Variants in SNX6 observed in about 807,000 individuals in gnomAD.
SNX6 encodes sorting nexin 6.
A neutral mutation model predicts 63.0 loss-of-function variants in SNX6; 34 were observed. The ratio of observed to expected loss-of-function variants is 0.54; its 90% CI spans 0.41 to 0.72. The LOEUF (loss-of-function observed/expected upper bound fraction) is 0.72. Ranked by LOEUF, SNX6 falls within the 30% of genes least tolerant of loss-of-function variation. The pLI is 0.00. For missense variants in SNX6, 398 were observed against 471.4 expected (o/e 0.84, Z 1.44); for synonymous variants, 170 against 164.2 (o/e 1.04, Z -0.27).
chr14:34,603,047 G>T (rs1197511230), intron 6 of SNX6, among the ~76,000 whole-genome samples: 2 of 151,620 alleles, frequency 1.3e-5, no homozygotes, highest in Non-Finnish European at 2.9e-5. Context: ...GGAGGCCGAG[G>T]TGGGTGGATC....
intron 5 of SNX6, among the ~76,000 whole-genome samples, 190 bp from the exon 6 acceptor site, chr14:34,603,661 T>A (rs1308023233): frequency 6.6e-6 from 1 of 152,140 alleles, no homozygotes; most frequent in Non-Finnish European, 1.5e-5. Flanking sequence ...TTGAAAAAGG[T>A]TTCATGCCAG....
intron 2 of SNX6, among the ~76,000 whole-genome samples, chr14:34,620,812 A>G (rs1157232136): frequency 6.6e-6 from 1 of 152,016 alleles, no homozygotes; most frequent in Non-Finnish European, 1.5e-5. Context: ...GTGGTGGTGC[A>G]TGCCTGTAAT....
At chr14:34,566,828 G>A (rs113340503) in intron 13 of SNX6, among the ~76,000 whole-genome samples, 1,624 of 152,172 alleles carry the variant, frequency 0.011, 33 homozygotes, top group African/African-American at 0.037. Context: ...CCAGCTACTC[G>A]GGAGGCTGAG....
At chr14:34,609,816 AAAAAC>A in intron 2 of SNX6, 74 bp from the exon 3 acceptor site, 1 of 1,006,860 alleles carries the variant, frequency 9.9e-7, no homozygotes. Flanking sequence ...AAGACAATGC[AAAAAC>A]AAAACAAAAA....
intron 8 of SNX6, among the ~76,000 whole-genome samples, chr14:34,589,314 G>C (rs1275285554): frequency 1.3e-5 from 2 of 151,804 alleles, no homozygotes; most frequent in African/African-American, 4.8e-5. Flanking sequence ...AATTAGCCAG[G>C]CTTGGTGGTA....
chr14:34,616,954 C>G (rs561802220), intron 2 of SNX6, among the ~76,000 whole-genome samples: 5 of 151,862 alleles, frequency 3.3e-5, no homozygotes, highest in Admixed American at 1.3e-4. Flanking sequence ...GTGGTGTGGG[C>G]GCCTGTAATC....
intron 11 of SNX6, among the ~76,000 whole-genome samples, chr14:34,574,354 A>G (rs1443310351): frequency 1.3e-5 from 2 of 150,252 alleles, no homozygotes; most frequent in Non-Finnish European, 3.0e-5. Context: ...AAAAAAGAGA[A>G]AAAAAGAAAT....
chr14:34,629,941 T>C lies in SNX6; in HGVS notation c.20A>G (p.Asp7Gly). ...CTCTTCTGAGAGGAAGTCCGGGCCG[T>C]CGTCCAGGCCTTCCTGTGGGGTCGG... MMEGLD[D>G]GPDFLSEEDR... The change falls in exon 2 of 14, where the codon GAC (aspartate) becomes GGC (glycine). Residue 7 changes from aspartate to glycine, a missense_variant. Asp to Gly is a moderately conservative substitution (Grantham distance 94). Coordinates refer to ENST00000362031, the MANE Select transcript of SNX6 (RefSeq NM_152233.4). The C allele has an allele frequency of 6.4e-7, 1 of 1,550,720 alleles. No individual in the cohort carries two copies. Among genetic ancestry groups the C allele is most frequent in the South Asian group, 1.2e-5 (1 of 83,140 alleles).
intron 6 of SNX6, among the ~76,000 whole-genome samples, chr14:34,600,443 CTTTT>C (rs879769668): frequency 7.2e-6 from 1 of 138,756 alleles, no homozygotes; most frequent in East Asian, 2.0e-4. Context: ...TCTTCTTCTT[CTTTT>C]TTTTTTTTTT....
Position 34,605,633 on chromosome 14 carries a change from T to C in SNX6, c.355A>G (p.Lys119Glu). 6.2e-7 allele frequency: 1 copy of C among 1,604,446 alleles called. No homozygotes were observed. Among genetic ancestry groups the C allele is most frequent in the Non-Finnish European group, 8.5e-7 (1 of 1,176,722 alleles). Residue 119 changes from lysine to glutamate, a missense_variant, in exon 5 of 14, where the codon AAG (lysine) becomes GAG (glutamate). Physicochemically the swap from Lys to Glu is moderately conservative, Grantham distance 56. Coordinates refer to ENST00000362031, the MANE Select transcript of SNX6 (RefSeq NM_152233.4). ...KLGEGEGSMT[K>E]EEFTKMKQEL... is the part of the protein sequence containing the mutation. ...TGTTTCATCTTTGTGAATTCTTCCT[T>C]CGTCATTGACCCTTCTCCTTCACCA...
intron 2 of SNX6, among the ~76,000 whole-genome samples, chr14:34,612,923 C>T (rs1421060981): frequency 6.6e-6 from 1 of 151,712 alleles, no homozygotes; most frequent in African/African-American, 2.4e-5. Context: ...GTGGTGCATG[C>T]CTATAATCCC....
chr14:34,611,180 A>G (rs555410097), intron 2 of SNX6, among the ~76,000 whole-genome samples: 31 of 152,038 alleles, frequency 2.0e-4, no homozygotes, highest in Non-Finnish European at 4.3e-4. Flanking sequence ...TTTGGTAGAG[A>G]AGGGGTTTTG....
intron 7 of SNX6, 75 bp downstream of exon 7, chr14:34,597,475 C>A: frequency 1.1e-6 from 1 of 892,438 alleles, no homozygotes; most frequent in Non-Finnish European, 1.8e-6. Context: ...TAATTCTGCA[C>A]ATTTGAAATC....
rs202152885 is a variant in SNX6 at position 34,610,978 on chromosome 14, C to CGT, written c.55-1238_55-1237dup. On this transcript the variant is annotated intron_variant, in intron 2 of 13. Transcript: ENST00000362031. ...TACTCAATGATTTCAAATATATATA[C>CGT]GTGTGTGTGTGTGTATATATATATA... Among the ~76,000 whole-genome samples the CGT allele has an allele frequency of 7.0e-3, 1,057 of 151,274 alleles. 11 individuals are homozygous for CGT. Among genetic ancestry groups the CGT allele is most frequent in the African/African-American group, 0.023 (963 of 41,290 alleles).
chr14:34,586,537 A>C (rs1299639200), intron 8 of SNX6, among the ~76,000 whole-genome samples: 1 of 151,764 alleles, frequency 6.6e-6, no homozygotes, highest in East Asian at 1.9e-4. Context: ...GTGAAATCCC[A>C]TCTCTATCAA....
chr14:34,625,650 A>T (rs1369905601), intron 2 of SNX6, among the ~76,000 whole-genome samples: 1 of 151,880 alleles, frequency 6.6e-6, no homozygotes, highest in East Asian at 1.9e-4. Context: ...CAGGAGAATC[A>T]CCTTAACCCG....
At chr14:34,629,567 C>G in intron 2 of SNX6, 1 of 583,576 alleles carries the variant, frequency 1.7e-6, no homozygotes. Context: ...GTTTTCATGG[C>G]CCCAAAGTGT....
intron 11 of SNX6, chr14:34,568,634 GT>G (rs376954552): frequency 0.18 from 105,000 of 594,838 alleles, 55 homozygotes; most frequent in South Asian, 0.22. Flanking sequence ...CACTCAGCCT[GT>G]TTTTTTTTTT....
chr14:34,564,946 A>C (rs1881103148), intron 13 of SNX6, among the ~76,000 whole-genome samples: 1 of 152,136 alleles, frequency 6.6e-6, no homozygotes, highest in East Asian at 1.9e-4. Context: ...CTGTTTCAAC[A>C]ACTCCATTAT....
Sources: gnomAD v4.1 joint callset for allele counts (sites outside exome capture counted in the v4.1 genomes callset) on GRCh38, gnomAD v4.1.1 for gene constraint, MANE v1.5 for transcripts, NCBI Gene and HGNC (gene_info 2026-07-23, HGNC 2026-07-21) for gene names.